Variants in LGR6 observed in about 807,000 individuals in gnomAD.
LGR6 encodes the protein leucine-rich repeat-containing G protein-coupled receptor 6.
Under a neutral mutation model 69.4 loss-of-function variants are expected in LGR6, and 45 were observed. That is an observed-to-expected ratio of 0.65 (90% CI 0.51 to 0.83). LGR6 has a LOEUF of 0.83. Among genes scored for constraint, LGR6 ranks in the 40% least tolerant of loss-of-function variants. LGR6 has a pLI of 0.00. For synonymous variants in LGR6, 538 were observed against 555.0 expected (o/e 0.97, Z 0.43); for missense variants, 1,108 against 1,246.7 (o/e 0.89, Z 1.68).
chr1:202,236,648 C>T (rs1383142371), intron 4 of LGR6, among the ~76,000 whole-genome samples: 2 of 152,162 alleles, frequency 1.3e-5, no homozygotes, highest in Non-Finnish European at 2.9e-5. Context: ...AATGCACAGC[C>T]CAAGGCCTGG....
At chr1:202,221,420 G>A (rs1471736549) in intron 1 of LGR6, among the ~76,000 whole-genome samples, 1 of 152,072 alleles carries the variant, frequency 6.6e-6, no homozygotes, top group Non-Finnish European at 1.5e-5. Context: ...TTCCTCATGT[G>A]CAGCCAGAAA....
intron 4 of LGR6, among the ~76,000 whole-genome samples, chr1:202,273,145 C>T (rs1665246612): frequency 6.6e-6 from 1 of 152,176 alleles, no homozygotes; most frequent in South Asian, 2.1e-4. Context: ...ATCAGAGCTA[C>T]CTCAATGGCA....
At chr1:202,272,479 C>T (rs1253282159) in intron 4 of LGR6, among the ~76,000 whole-genome samples, 1 of 152,226 alleles carries the variant, frequency 6.6e-6, no homozygotes, top group Non-Finnish European at 1.5e-5. Flanking sequence ...CACCTCCCCT[C>T]TCCAGCCCTC....
chr1:202,207,701 A>G (rs1255361446), intron 1 of LGR6, among the ~76,000 whole-genome samples: 1 of 152,186 alleles, frequency 6.6e-6, no homozygotes, highest in Non-Finnish European at 1.5e-5. Flanking sequence ...CCTTGGGGAA[A>G]GATTTACCCT....
chr1:202,222,131 A>C (rs1571834816), intron 1 of LGR6, among the ~76,000 whole-genome samples: 2 of 149,324 alleles, frequency 1.3e-5, no homozygotes, highest in East Asian at 2.0e-4. Context: ...TCCCCACTTC[A>C]CCTCCCTCTT....
intron 16 of LGR6, among the ~76,000 whole-genome samples, chr1:202,313,947 T>C: frequency 6.6e-6 from 1 of 152,200 alleles, no homozygotes; most frequent in South Asian, 2.1e-4. Context: ...ACAAGCTCTT[T>C]GAGAGCAGGT....
chr1:202,208,096 G>A (rs1659323425), intron 1 of LGR6, among the ~76,000 whole-genome samples: 1 of 152,162 alleles, frequency 6.6e-6, no homozygotes, highest in Admixed American at 6.5e-5. Context: ...GTCCTGTGGA[G>A]TGAGGAGTTG....
chr1:202,231,298 G>A (rs912948061), intron 3 of LGR6, among the ~76,000 whole-genome samples: 6 of 152,134 alleles, frequency 3.9e-5, no homozygotes, highest in Non-Finnish European at 7.3e-5. Context: ...CATTAGTGTC[G>A]ATGAACTGAA....
chr1:202,225,332 G>A lies in LGR6; in HGVS notation c.213-91G>A, dbSNP rs756683606. The A allele has an allele frequency of 1.3e-5, 15 of 1,154,452 alleles. No homozygotes were observed. The Admixed American group carries it at 1.4e-4, about 10-fold the overall frequency. The allele number at this position is 1,154,452 out of a possible 1,614,324, so 71.5% of individuals were successfully genotyped here. A position where few individuals can be genotyped will look rare whatever the true frequency, so the allele number is the denominator to read the frequency against. ...TGGTGGGGGGTACTGTGGGAGCCTC[G>A]GAGGTCCCTCGAGGGGGGTTGGCAC... On this transcript the variant is annotated intron_variant, in intron 1 of 17. Transcript: ENST00000367278.
chr1:202,201,884 A>T (rs1054899475), intron 1 of LGR6, among the ~76,000 whole-genome samples: 1 of 152,190 alleles, frequency 6.6e-6, no homozygotes, highest in Admixed American at 6.5e-5. Flanking sequence ...GATTATCATC[A>T]GCGTTGATGT....
At chr1:202,307,744 G>A (rs1362697101) in intron 14 of LGR6, among the ~76,000 whole-genome samples, 2 of 152,216 alleles carry the variant, frequency 1.3e-5, no homozygotes, top group African/African-American at 2.4e-5. Flanking sequence ...ATAGGAGGGT[G>A]GAAGTAGATG....
intron 1 of LGR6, among the ~76,000 whole-genome samples, chr1:202,216,519 C>G (rs1399610872): frequency 1.3e-5 from 2 of 152,182 alleles, no homozygotes; most frequent in Non-Finnish European, 2.9e-5. Context: ...GTGGCTAGTG[C>G]AGCTAAGGAA....
chr1:202,231,687 A>C (rs889335094), intron 3 of LGR6, among the ~76,000 whole-genome samples: 5 of 152,250 alleles, frequency 3.3e-5, no homozygotes, highest in Non-Finnish European at 7.3e-5. Context: ...CATACACATG[A>C]TGATCGGTGT....
chr1:202,236,013 G>T lies in LGR6; in HGVS notation c.428+20G>T, dbSNP rs1295927255. 1 of 1,608,994 alleles carries T rather than the reference G, an allele frequency of 6.2e-7. No homozygotes were observed. Among genetic ancestry groups the T allele is most frequent in the Non-Finnish European group, 8.5e-7 (1 of 1,176,032 alleles). ...GTCGCTGTGAGTCATTAGAGGGCTG[G>T]TCTGGGAGTCACCAGCTTCCTGGGG... On this transcript the variant is annotated intron_variant, in intron 4 of 17. Transcript: ENST00000367278.
intron 4 of LGR6, among the ~76,000 whole-genome samples, chr1:202,250,676 T>A (rs2148058398): frequency 6.6e-6 from 1 of 152,258 alleles, no homozygotes; most frequent in African/African-American, 2.4e-5. Context: ...AGTGCTGGGA[T>A]TACAGAAGTG....
chr1:202,294,599 G>T (rs1033620025), intron 6 of LGR6, among the ~76,000 whole-genome samples: 1 of 152,162 alleles, frequency 6.6e-6, no homozygotes, highest in African/African-American at 2.4e-5. Flanking sequence ...CATCATTCAA[G>T]AGTCTAGTCT....
chr1:202,290,302 A>T (rs1666703518), intron 6 of LGR6, among the ~76,000 whole-genome samples: 1 of 152,238 alleles, frequency 6.6e-6, no homozygotes, highest in Non-Finnish European at 1.5e-5. Context: ...GATAACATAC[A>T]AAAAGACATC....
intron 1 of LGR6, among the ~76,000 whole-genome samples, chr1:202,207,964 T>A (rs536605792): frequency 6.6e-6 from 1 of 152,196 alleles, no homozygotes; most frequent in Non-Finnish European, 1.5e-5. Context: ...GCTGTGGAGA[T>A]AAATTCTTAG....
chr1:202,221,518 C>T (rs1166629978), intron 1 of LGR6, among the ~76,000 whole-genome samples: 1 of 152,210 alleles, frequency 6.6e-6, no homozygotes, highest in Non-Finnish European at 1.5e-5. Flanking sequence ...TTTCCCATTC[C>T]CATCCCATCA....
Sources: gnomAD v4.1 joint callset for allele counts (sites outside exome capture counted in the v4.1 genomes callset) on GRCh38, gnomAD v4.1.1 for gene constraint, MANE v1.5 for transcripts, NCBI Gene and HGNC (gene_info 2026-07-23, HGNC 2026-07-21) for gene names.